The following MAP4K5 variants were observed in gnomAD, a reference collection of about 807,000 sequenced individuals.
MAP4K5 encodes mitogen-activated protein kinase kinase kinase kinase 5.
Under a neutral mutation model 135.6 loss-of-function variants are expected in MAP4K5, and 82 were observed. The ratio of observed to expected loss-of-function variants is 0.60; its 90% CI spans 0.51 to 0.73. MAP4K5 has a LOEUF of 0.73. Among genes scored for constraint, MAP4K5 ranks in the 30% least tolerant of loss-of-function variants. MAP4K5 has a pLI of 0.00. For synonymous variants in MAP4K5, 347 were observed against 335.0 expected (o/e 1.04, Z -0.39); for missense variants, 907 against 1,010.9 (o/e 0.90, Z 1.39).
At chr14:50,444,596 A>C (rs566070587) in intron 18 of MAP4K5, among the ~76,000 whole-genome samples, 29 of 152,228 alleles carry the variant, frequency 1.9e-4, no homozygotes, top group African/African-American at 6.5e-4. Flanking sequence ...AGAAAAAAAA[A>C]ATCCTGCAAG....
chr14:50,511,594 T>C (rs1205107169), intron 2 of MAP4K5, among the ~76,000 whole-genome samples: 1 of 152,158 alleles, frequency 6.6e-6, no homozygotes, highest in African/African-American at 2.4e-5. Context: ...GGATAATGTT[T>C]AAGATTATAG....
chr14:50,442,450 C>T lies in MAP4K5; in HGVS notation c.1564+282G>A, dbSNP rs189589017. Among the ~76,000 whole-genome samples, 112 of 152,094 alleles carry T rather than the reference C, an allele frequency of 7.4e-4. 1 individual carries two copies. In the East Asian group the frequency reaches 8.1e-3, roughly 11 times the overall value. ...CTTACTAATTGAGATTATAAATTGT[C>T]CCAATAACGTCCTTTTACGGTAAAA... On this transcript the variant is annotated intron_variant, in intron 21 of 32. Transcript: ENST00000682126.
intron 26 of MAP4K5, among the ~76,000 whole-genome samples, chr14:50,436,158 C>T (rs778491237): frequency 1.2e-4 from 18 of 152,078 alleles, no homozygotes; most frequent in Non-Finnish European, 2.6e-4. Flanking sequence ...AGTCATTGAA[C>T]CTGAATCTGA....
At chr14:50,483,150 T>C (rs1243029731) in intron 5 of MAP4K5, 3 of 152,232 alleles carry the variant, frequency 2.0e-5, no homozygotes, top group Admixed American at 1.3e-4. Flanking sequence ...CATCATATAC[T>C]TTTTTATAGA....
At chr14:50,483,725 CAA>C (rs59754773) in intron 5 of MAP4K5, among the ~76,000 whole-genome samples, 33 of 58,598 alleles carry the variant, frequency 5.6e-4, no homozygotes, top group Admixed American at 9.6e-4. Context: ...TTAAAAGTTG[CAA>C]AAAAAAAAAA....
At chr14:50,552,907 T>C (rs2038720340) in intron 1 of MAP4K5, among the ~76,000 whole-genome samples, 1 of 152,070 alleles carries the variant, frequency 6.6e-6, no homozygotes, top group Non-Finnish European at 1.5e-5. Flanking sequence ...CCACAAAGAT[T>C]CTAGAAGATA....
chr14:50,483,791 A>G (rs957580793), intron 5 of MAP4K5, among the ~76,000 whole-genome samples: 2 of 150,910 alleles, frequency 1.3e-5, no homozygotes, highest in Non-Finnish European at 1.5e-5. Context: ...ATGGACAAAA[A>G]TTACAATTAC....
chr14:50,555,243 A>G (rs2038751258), intron 1 of MAP4K5, among the ~76,000 whole-genome samples: 1 of 149,364 alleles, frequency 6.7e-6, no homozygotes, highest in African/African-American at 2.5e-5. Flanking sequence ...AGAAGGCATG[A>G]AGAACTTTAG....
chr14:50,456,223 A>G lies in MAP4K5; in HGVS notation c.1015+293T>C, dbSNP rs184633239. 613 of 351,178 alleles carry G rather than the reference A, an allele frequency of 1.7e-3. 2 individuals carry two copies. Among genetic ancestry groups the G allele is most frequent in the Non-Finnish European group, 2.1e-3 (404 of 192,456 alleles). 21.8% of individuals were successfully genotyped at this position (351,178 alleles called of 1,614,324 possible). A position where few individuals can be genotyped will look rare whatever the true frequency, so the allele number is the denominator to read the frequency against. On this transcript the variant is annotated intron_variant, in intron 14 of 32. Transcript: ENST00000682126. Reference sequence around the variant, plus strand: ...AAAGAAATGTGGCAAAATATTAACTATGGGTTGGCTCTGGGTGATGTGATT... The same window carrying G: ...AAAGAAATGTGGCAAAATATTAACTGTGGGTTGGCTCTGGGTGATGTGATT...
intron 2 of MAP4K5, among the ~76,000 whole-genome samples, chr14:50,539,274 C>T (rs2038532304): frequency 6.6e-6 from 1 of 152,124 alleles, no homozygotes; most frequent in Admixed American, 6.5e-5. Context: ...AAAGATCAAT[C>T]TCTAGCACTT....
intron 26 of MAP4K5, 150 bp downstream of exon 26, chr14:50,437,326 T>G (rs1410347196): frequency 1.5e-6 from 1 of 647,898 alleles, no homozygotes; most frequent in Admixed American, 3.1e-5. Context: ...TCTGTCTATA[T>G]TCTTGTACTT....
chr14:50,549,938 G>A (rs577177376), intron 1 of MAP4K5, among the ~76,000 whole-genome samples: 7 of 152,184 alleles, frequency 4.6e-5, no homozygotes, highest in Non-Finnish European at 5.9e-5. Flanking sequence ...AACTCTCAGC[G>A]TTACCTCTGA....
chr14:50,537,226 C>A (rs1212786165), upstream of MAP4K5, among the ~76,000 whole-genome samples: 1 of 152,228 alleles, frequency 6.6e-6, no homozygotes, highest in Non-Finnish European at 1.5e-5. Context: ...GGGGCCGTGG[C>A]TTCAGAGGGT....
In MAP4K5 at chr14:50,445,199, T is replaced by C. The variant is rs2036317846; in HGVS notation, c.1186-5A>G. The stretch of plus-strand genomic sequence containing the variant: ...AGGGTAACTGCTTATCCTTGGCTAG[T>C]GGTACAAAGACAAAAAAGTACTTTA... On this transcript the variant is annotated splice_region_variant and splice_polypyrimidine_tract_variant and intron_variant, in intron 17 of 32. Coordinates refer to ENST00000682126, the MANE Select transcript of MAP4K5 (RefSeq NM_006575.6). 2 of 1,612,036 alleles carry C rather than the reference T, an allele frequency of 1.2e-6. No individual in the cohort carries two copies. Among genetic ancestry groups the C allele is most frequent in the South Asian group, 2.2e-5 (2 of 90,814 alleles).
At chr14:50,452,083 C>A (rs556511596) in intron 14 of MAP4K5, among the ~76,000 whole-genome samples, 31 of 152,238 alleles carry the variant, frequency 2.0e-4, no homozygotes, top group African/African-American at 7.0e-4. Flanking sequence ...CAGTCAGCTA[C>A]CCTAACATTA....
chr14:50,546,944 C>T (rs1169282337), intron 1 of MAP4K5, among the ~76,000 whole-genome samples: 1 of 152,076 alleles, frequency 6.6e-6, no homozygotes, highest in African/African-American at 2.4e-5. Flanking sequence ...CCCATATACC[C>T]GTCATCTACA....
At chr14:50,511,964 T>C (rs2037938758) in intron 2 of MAP4K5, among the ~76,000 whole-genome samples, 1 of 152,068 alleles carries the variant, frequency 6.6e-6, no homozygotes, top group Non-Finnish European at 1.5e-5. Context: ...GAAATGGTAA[T>C]GATAGACACA....
intron 1 of MAP4K5, among the ~76,000 whole-genome samples, chr14:50,544,408 G>T (rs1365919911): frequency 1.3e-5 from 2 of 152,188 alleles, no homozygotes; most frequent in Non-Finnish European, 2.9e-5. Flanking sequence ...AATAAATCTT[G>T]ATTGGTCTAG....
At chr14:50,540,766 T>C (rs1349820598) in intron 2 of MAP4K5, among the ~76,000 whole-genome samples, 1 of 152,194 alleles carries the variant, frequency 6.6e-6, no homozygotes, top group African/African-American at 2.4e-5. Context: ...ACATTAGGTT[T>C]CTAGGGAGCT....
Sources: gnomAD v4.1 joint callset for allele counts (sites outside exome capture counted in the v4.1 genomes callset) on GRCh38, gnomAD v4.1.1 for gene constraint, MANE v1.5 for transcripts, NCBI Gene and HGNC (gene_info 2026-07-23, HGNC 2026-07-21) for gene names.